The following B4GALNT2 variants were observed in gnomAD, a reference collection of about 807,000 sequenced individuals.
The protein encoded by B4GALNT2 is beta-1,4-N-acetyl-galactosaminyltransferase 2 (SID blood group), also known as N-acetylneuraminylgalactosylglucosyl-glucoside beta-1,4-N- acetylgalactosaminyltransferase 2.
A neutral mutation model predicts 51.1 loss-of-function variants in B4GALNT2; 42 were observed. That is an observed-to-expected ratio of 0.82 (90% CI 0.64 to 1.06). B4GALNT2 has a LOEUF of 1.06. B4GALNT2 is among the 50% of genes least tolerant of loss of function. B4GALNT2 has a pLI of 0.00. For missense variants in B4GALNT2, 602 were observed against 633.6 expected (o/e 0.95, Z 0.54); for synonymous variants, 253 against 251.7 (o/e 1.01, Z -0.05).
In B4GALNT2 at chr17:49,152,841, A is replaced by G. The variant is rs1381015246; in HGVS notation, c.395A>G (p.Asn132Ser). ...PRPLPLLVQP[N>S]LPFGYPVHGV... is the part of the protein sequence containing the mutation. ...CCACTGCCCCTGCTGGTCCAGCCCA[A>G]CCTCCCCTTTGGGTACCCAGTCCAC... The change falls in exon 4 of 11, where the codon AAC becomes AGC. Residue 132 changes from asparagine (N) to serine (S), a missense_variant. Asn to Ser is a conservative substitution (Grantham distance 46). Coordinates refer to ENST00000393354, the MANE Select transcript of B4GALNT2 (RefSeq NM_001159387.2). The G allele has an allele frequency of 1.2e-6, 2 of 1,610,440 alleles. No homozygotes were observed. Among genetic ancestry groups the G allele is most frequent in the Non-Finnish European group, 8.5e-7 (1 of 1,178,340 alleles).
In B4GALNT2 at chr17:49,142,166, A is replaced by C. The variant is rs374155308; in HGVS notation, c.347A>C (p.Gln116Pro). 6.2e-7 allele frequency: 1 copy of C among 1,614,110 alleles called. No individual in the cohort carries two copies. The highest frequency in any genetic ancestry group is 1.1e-5 in the South Asian group (1 of 91,078). Residue 116 changes from glutamine (Q) to proline (P), a missense_variant, in exon 3 of 11, where the codon CAG (glutamine) becomes CCG (proline). By Grantham distance (76) the Gln-to-Pro change is moderately conservative (BLOSUM62 -1). Coordinates refer to ENST00000393354, the MANE Select transcript of B4GALNT2 (RefSeq NM_001159387.2). ...AGACAGGCTGAATTTGAACACTTTCAGAGGAGGTAATGCGGGTCATGAAGG... is the reference window on the plus strand; with the variant it reads ...AGACAGGCTGAATTTGAACACTTTCCGAGGAGGTAATGCGGGTCATGAAGG... ...ARRQAEFEHF[Q>P]RREGLPRPLP...
In B4GALNT2 at chr17:49,176,694, G is replaced by A. The variant is rs1457429138; in HGVS notation, c.*6966G>A. On this transcript the variant is annotated 3_prime_UTR_variant, in exon 11 of 11. Transcript: ENST00000393354. ...ATTTGGGGGCCTGTTCCCAACAGCAGATTCTATGACCACTTCAGCCCTGCC... is the reference window on the plus strand; with the variant it reads ...ATTTGGGGGCCTGTTCCCAACAGCAAATTCTATGACCACTTCAGCCCTGCC... 1 of 152,158 alleles carries A rather than the reference G, an allele frequency of 6.6e-6. No individual in the cohort carries two copies. The highest frequency in any genetic ancestry group is 1.5e-5 in the Non-Finnish European group (1 of 68,046). 9.4% of individuals were successfully genotyped at this position (152,158 alleles called of 1,614,324 possible). A position where few individuals can be genotyped will look rare whatever the true frequency, so the allele number is the denominator to read the frequency against.
At chr17:49,137,984 C>T (rs1012435227) in intron 1 of B4GALNT2, among the ~76,000 whole-genome samples, 3 of 152,128 alleles carry the variant, frequency 2.0e-5, no homozygotes, top group Non-Finnish European at 1.5e-5. Context: ...TAGATATAAA[C>T]ATAAAGTGAG....
upstream of B4GALNT2, chr17:49,132,381 G>A (rs2042546966): frequency 5.0e-6 from 1 of 198,162 alleles, no homozygotes; most frequent in South Asian, 1.9e-4. Flanking sequence ...CAGTAGGTGT[G>A]GAGTGCGTGG....
rs959613236 is a variant in B4GALNT2, at chr17:49,170,753, A to G, written c.*1025A>G. On this transcript the variant is annotated 3_prime_UTR_variant, in exon 11 of 11. Coordinates refer to ENST00000393354, the MANE Select transcript of B4GALNT2 (RefSeq NM_001159387.2). The stretch of plus-strand genomic sequence containing the variant: ...GAGTGGGAAATCAGGGGACTCACAG[A>G]CTTCAGAGCTGAGAGCCCTGAACGG... 2.0e-5 allele frequency: 3 copies of G among 152,256 alleles called. No individual in the cohort carries two copies. Among genetic ancestry groups the G allele is most frequent in the African/African-American group, 7.2e-5 (3 of 41,450 alleles). 9.4% of individuals were successfully genotyped at this position (152,256 alleles called of 1,614,324 possible). A position where few individuals can be genotyped will look rare whatever the true frequency, so the allele number is the denominator to read the frequency against.
rs1020672094 is a variant in B4GALNT2, at chr17:49,166,114, G to T, written c.955G>T (p.Gly319Cys). The T allele has an allele frequency of 1.2e-6, 2 of 1,613,712 alleles. No individual in the cohort carries two copies. The highest frequency in any genetic ancestry group is 1.7e-5 in the Admixed American group (1 of 59,978). ...TCCTTTAACCTCATTTCATCTACAG[G>T]GTTGGTTTGCTGGTAGGAACCTGGC... ...VEYYTMPFGK[G>C]WFAGRNLAIS... The change falls in exon 9 of 11, where the codon GGT becomes TGT. Residue 319 changes from glycine to cysteine, a missense_variant and splice_region_variant. Coordinates refer to ENST00000393354, the MANE Select transcript of B4GALNT2 (RefSeq NM_001159387.2).
At chr17:49,133,140 G>T in intron 1 of B4GALNT2, 4 of 1,526,850 alleles carry the variant, frequency 2.6e-6, no homozygotes, top group Non-Finnish European at 3.5e-6. Flanking sequence ...TGCGGGCTTC[G>T]GGGCTCTCTG....
chr17:49,147,370 C>CTTTTTTT (rs1216908911), intron 3 of B4GALNT2, among the ~76,000 whole-genome samples: 1 of 144,214 alleles, frequency 6.9e-6, no homozygotes, highest in African/African-American at 2.6e-5. Flanking sequence ...CTTTTCTTTT[C>CTTTTTTT]TTTCTTTCTT....
chr17:49,134,319 T>C (rs897617872), intron 1 of B4GALNT2, among the ~76,000 whole-genome samples: 2 of 152,258 alleles, frequency 1.3e-5, no homozygotes, highest in African/African-American at 4.8e-5. Flanking sequence ...ATCAGGATAA[T>C]TAGCATATAC....
intron 5 of B4GALNT2, among the ~76,000 whole-genome samples, chr17:49,157,455 G>C (rs565002259): frequency 7.4e-5 from 11 of 149,656 alleles, no homozygotes; most frequent in East Asian, 6.0e-4. Context: ...CAAGTAGCTG[G>C]GACTACAGGC....
At chr17:49,123,937 TG>T in the B4GALNT2 span, among the ~76,000 whole-genome samples, 2 of 152,252 alleles carry the variant, frequency 1.3e-5, no homozygotes, top group Non-Finnish European at 2.9e-5. Context: ...AATTGTGTCC[TG>T]TTACAAAAGA....
At chr17:49,132,740 C>T, upstream of B4GALNT2, 1 of 1,384,412 alleles carries the variant, frequency 7.2e-7, no homozygotes, top group Non-Finnish European at 9.4e-7. Context: ...CAGTCGGCGG[C>T]CTGGCTGCTA....
chr17:49,157,581 G>A, intron 5 of B4GALNT2, among the ~76,000 whole-genome samples: 1 of 152,086 alleles, frequency 6.6e-6, no homozygotes, highest in Non-Finnish European at 1.5e-5. Flanking sequence ...ACCTCCCAAA[G>A]TGCTGGGATT....
chr17:49,167,296 A>C (rs2042919103), intron 9 of B4GALNT2, among the ~76,000 whole-genome samples: 1 of 152,142 alleles, frequency 6.6e-6, no homozygotes, highest in Non-Finnish European at 1.5e-5. Flanking sequence ...GGGGAAGAGG[A>C]AGTGAAGGGA....
rs747428968 is a variant in B4GALNT2, at chr17:49,160,570, G to A, written c.695G>A (p.Arg232Lys). 2 of 1,614,048 alleles carry A rather than the reference G, an allele frequency of 1.2e-6. No homozygotes were observed. The highest frequency in any genetic ancestry group is 3.3e-5 in the Admixed American group (2 of 60,018). ...CTCCCTCCAGTGAGTCTGGAGTCCA[G>A]GTCCTCAGTGGCCAAGTTTCCAGTG... ...QKVDIVSLES[R>K]SSVAKFPVTI... Residue 232 changes from arginine (R) to lysine (K), a missense_variant, in exon 7 of 11, where the codon AGG (arginine) becomes AAG (lysine). Arg to Lys is a conservative substitution (Grantham distance 26, BLOSUM62 2). Transcript: ENST00000393354.
chr17:49,154,255 C>T (rs1598208572), intron 4 of B4GALNT2, among the ~76,000 whole-genome samples: 2 of 152,046 alleles, frequency 1.3e-5, no homozygotes, highest in East Asian at 3.9e-4. Context: ...CCTGCGTTGG[C>T]CTCCCAAAGT....
Position 49,159,091 on chromosome 17 carries a change from A to G in B4GALNT2, c.553A>G (p.Ser185Gly), listed in dbSNP as rs1229752630. 3 of 1,614,094 alleles carry G rather than the reference A, an allele frequency of 1.9e-6. No individual in the cohort carries two copies. The highest frequency in any genetic ancestry group is 4.5e-5 in the East Asian group (2 of 44,900). The part of the protein sequence containing the change: ...TLNTLADVPD[S>G]VVQGRGQKQL... The stretch of plus-strand genomic sequence containing the variant: ...GAACACCCTTGCTGATGTCCCAGAC[A>G]GTGTGGTGCAGGGCAGAGGCCAGAA... The change falls in exon 6 of 11, where the codon AGT becomes GGT. Residue 185 changes from serine (S) to glycine (G), a missense_variant. Coordinates refer to ENST00000393354, the MANE Select transcript of B4GALNT2 (RefSeq NM_001159387.2).
rs1216760521 is a variant in B4GALNT2 at position 49,171,365 on chromosome 17, A to C, written c.*1637A>C. On this transcript the variant is annotated 3_prime_UTR_variant, in exon 11 of 11. Coordinates refer to ENST00000393354, the MANE Select transcript of B4GALNT2 (RefSeq NM_001159387.2). ...CTGCTAATCTGTCTGCAGCTCCTTC[A>C]AGCACTCCAGTTCCTGGCATTAAGG... is the stretch of plus-strand genomic sequence containing the variant. 2.3e-6 allele frequency: 1 copy of C among 430,426 alleles called. No homozygotes were observed. Among genetic ancestry groups the C allele is most frequent in the African/African-American group, 2.1e-5 (1 of 48,164 alleles). The allele number at this position is 430,426 out of a possible 1,614,324, so 26.7% of individuals were successfully genotyped here.
At chr17:49,126,814 T>G in the B4GALNT2 span, among the ~76,000 whole-genome samples, 1 of 152,042 alleles carries the variant, frequency 6.6e-6, no homozygotes, top group East Asian at 1.9e-4. Flanking sequence ...CTCAAGCTAC[T>G]CAACCTCCTG....
Sources: allele counts gnomAD v4.1 joint callset (sites outside exome capture counted in the v4.1 genomes callset), GRCh38; gene constraint gnomAD v4.1.1; transcripts MANE v1.5; gene names NCBI Gene and HGNC (gene_info 2026-07-23, HGNC 2026-07-21).